KCNIP4: variants seen among roughly 807,000 people sequenced by gnomAD.
KCNIP4 encodes the protein potassium voltage-gated channel interacting protein 4, also known as Kv channel-interacting protein 4.
Under a neutral mutation model 34.0 loss-of-function variants are expected in KCNIP4, and 12 were observed. The observed-to-expected ratio is 0.35, with a 90% CI of 0.23 to 0.57. The LOEUF is 0.57. Ranked by LOEUF, KCNIP4 falls within the 20% of genes least tolerant of loss-of-function variation. KCNIP4 has a pLI of 0.83. For missense variants in KCNIP4, 238 were observed against 311.7 expected, an observed-to-expected ratio of 0.76 and a Z score of 1.78; for synonymous variants, 124 against 102.2, an observed-to-expected ratio of 1.21 and a Z score of -1.29.
At chr4:21,252,392 C>T (rs1760779234) in intron 1 of KCNIP4, among the ~76,000 whole-genome samples, 1 of 152,072 alleles carries the variant, frequency 6.6e-6, no homozygotes, top group Non-Finnish European at 1.5e-5. Context: ...TCCCAAAGTA[C>T]TGGGATTACA....
chr4:20,874,563 A>G (rs903280180), intron 2 of KCNIP4, among the ~76,000 whole-genome samples: 1 of 152,150 alleles, frequency 6.6e-6, no homozygotes, highest in East Asian at 1.9e-4. Flanking sequence ...TTCCTATACT[A>G]AAACCTGTGA....
chr4:21,753,312 C>T (rs1394847897), intron 1 of KCNIP4, among the ~76,000 whole-genome samples: 1 of 152,140 alleles, frequency 6.6e-6, no homozygotes, highest in Non-Finnish European at 1.5e-5. Context: ...CTTTGTCAGG[C>T]AATCTCTGGG....
At chr4:20,771,368 C>A (rs996122660) in intron 3 of KCNIP4, among the ~76,000 whole-genome samples, 4 of 152,164 alleles carry the variant, frequency 2.6e-5, no homozygotes, top group Non-Finnish European at 5.9e-5. Flanking sequence ...TGAGATTACA[C>A]ATTTTCCTCA....
chr4:21,912,355 A>G (rs1041162353), intron 1 of KCNIP4, among the ~76,000 whole-genome samples: 1 of 152,206 alleles, frequency 6.6e-6, no homozygotes, highest in Non-Finnish European at 1.5e-5. Flanking sequence ...CAACTATTTG[A>G]GCACCTCATA....
At chr4:21,037,820 C>A (rs965979780) in intron 1 of KCNIP4, among the ~76,000 whole-genome samples, 2 of 151,894 alleles carry the variant, frequency 1.3e-5, no homozygotes, top group African/African-American at 4.8e-5. Flanking sequence ...TTTTTTACAG[C>A]AAATTAGTTT....
intron 1 of KCNIP4, among the ~76,000 whole-genome samples, chr4:21,372,465 C>T (rs998840699): frequency 1.4e-5 from 2 of 146,332 alleles, no homozygotes; most frequent in Non-Finnish European, 2.9e-5. Context: ...TGTGTGTATA[C>T]AACATATTGC....
chr4:21,541,001 T>C (rs769019381), intron 1 of KCNIP4, among the ~76,000 whole-genome samples: 5 of 151,748 alleles, frequency 3.3e-5, no homozygotes, highest in East Asian at 1.9e-4. Flanking sequence ...TGAAACATCA[T>C]CTCTACTAAA....
At chr4:21,529,518 A>G (rs1479550416) in intron 1 of KCNIP4, among the ~76,000 whole-genome samples, 1 of 152,186 alleles carries the variant, frequency 6.6e-6, no homozygotes, top group Non-Finnish European at 1.5e-5. Flanking sequence ...TGTGCCATAA[A>G]ATTGTATAGA....
intron 1 of KCNIP4, among the ~76,000 whole-genome samples, chr4:21,498,612 A>T (rs1733045668): frequency 6.6e-6 from 1 of 152,240 alleles, no homozygotes; most frequent in South Asian, 2.1e-4. Flanking sequence ...AGCTGGGGGA[A>T]AATGAGTAAA....
At chr4:20,814,921 C>T (rs1716196962) in intron 3 of KCNIP4, among the ~76,000 whole-genome samples, 1 of 152,152 alleles carries the variant, frequency 6.6e-6, no homozygotes. Flanking sequence ...TTGGATCCTG[C>T]TGTCTACTGA....
intron 1 of KCNIP4, among the ~76,000 whole-genome samples, chr4:21,937,606 T>C (rs1729933178): frequency 6.6e-6 from 1 of 152,112 alleles, no homozygotes; most frequent in African/African-American, 2.4e-5. Context: ...TCCACTTTGA[T>C]ATCCAAGAAG....
chr4:21,528,095 G>C (rs1478340928), intron 1 of KCNIP4, among the ~76,000 whole-genome samples: 1 of 152,140 alleles, frequency 6.6e-6, no homozygotes, highest in African/African-American at 2.4e-5. Context: ...AACGATTAAT[G>C]AAAGTACTTA....
At chr4:21,615,047 C>G in intron 1 of KCNIP4, among the ~76,000 whole-genome samples, 1 of 151,764 alleles carries the variant, frequency 6.6e-6, no homozygotes, top group East Asian at 1.9e-4. Context: ...GATAGGCTTT[C>G]CTGGTTAAAA....
At chr4:20,988,753 G>T (rs1736817589) in intron 1 of KCNIP4, among the ~76,000 whole-genome samples, 1 of 152,146 alleles carries the variant, frequency 6.6e-6, no homozygotes, top group Non-Finnish European at 1.5e-5. Flanking sequence ...TGGCATAAGG[G>T]TTATTTTCGA....
intron 1 of KCNIP4, among the ~76,000 whole-genome samples, chr4:21,024,085 G>C (rs1740321804): frequency 2.6e-5 from 4 of 152,128 alleles, no homozygotes; most frequent in Non-Finnish European, 5.9e-5. Context: ...TATCTAGAAA[G>C]TAAGTGATTT....
intron 1 of KCNIP4, among the ~76,000 whole-genome samples, chr4:21,583,218 T>C (rs1465349185): frequency 1.3e-5 from 2 of 152,026 alleles, no homozygotes; most frequent in Admixed American, 6.6e-5. Context: ...TCTAATACTG[T>C]ACACAGAGTT....
intron 1 of KCNIP4, among the ~76,000 whole-genome samples, chr4:21,467,117 C>CACAA (rs778981985): frequency 1.0e-4 from 13 of 124,574 alleles, no homozygotes; most frequent in African/African-American, 1.5e-4. Flanking sequence ...CACACACACA[C>CACAA]AAAACAGAAC....
chr4:20,880,815 T>C (rs1724603062), intron 2 of KCNIP4, among the ~76,000 whole-genome samples: 1 of 152,214 alleles, frequency 6.6e-6, no homozygotes, highest in South Asian at 2.1e-4. Context: ...TTCAATATCA[T>C]GTAGGATTAG....
At chr4:21,429,767 T>A (rs1054537011) in intron 1 of KCNIP4, among the ~76,000 whole-genome samples, 1 of 152,224 alleles carries the variant, frequency 6.6e-6, no homozygotes, top group Non-Finnish European at 1.5e-5. Flanking sequence ...ATTTATTTAT[T>A]TAGCCCTCAA....
Sources: allele counts gnomAD v4.1 joint callset (sites outside exome capture counted in the v4.1 genomes callset), GRCh38; gene constraint gnomAD v4.1.1; transcripts MANE v1.5; gene names NCBI Gene and HGNC (gene_info 2026-07-23, HGNC 2026-07-21).